Variants in SPTLC1 observed in about 807,000 individuals in gnomAD.
The protein encoded by SPTLC1 is serine palmitoyltransferase 1.
In SPTLC1, 55 loss-of-function variants were observed where a neutral mutation model predicts 68.9. That is an observed-to-expected ratio of 0.80 (90% CI 0.64 to 1.00). The LOEUF (loss-of-function observed/expected upper bound fraction) is 1.00. Among genes scored for constraint, SPTLC1 ranks in the 50% least tolerant of loss-of-function variants. SPTLC1 has a pLI of 0.00. For synonymous variants in SPTLC1, 197 were observed against 201.6 expected, an observed-to-expected ratio of 0.98 and a Z score of 0.19; for missense variants, 449 against 573.1, an observed-to-expected ratio of 0.78 and a Z score of 2.21.
chr9:92,067,910 C>CA (rs1489125744), intron 6 of SPTLC1, 56 bp downstream of exon 6: 1 of 1,558,384 alleles, frequency 6.4e-7, no homozygotes, highest in Non-Finnish European at 8.8e-7. Flanking sequence ...TTCTCTAAGA[C>CA]AGTCAGTATT....
intron 12 of SPTLC1, 169 bp from the exon 13 acceptor site, chr9:92,038,534 C>T (rs1454036031): frequency 4.4e-6 from 3 of 680,926 alleles, no homozygotes; most frequent in South Asian, 1.5e-5. Context: ...AAACGAGGCA[C>T]TCTGGGCAGT....
At chr9:92,045,975 T>C (rs368527284) in intron 12 of SPTLC1, 24 bp downstream of exon 12, 4 of 1,604,108 alleles carry the variant, frequency 2.5e-6, no homozygotes, top group Admixed American at 1.7e-5. Context: ...AACTTTATGT[T>C]GGTTGAAAAT....
chr9:92,097,380 G>A (rs1835566637), intron 3 of SPTLC1, among the ~76,000 whole-genome samples: 1 of 152,138 alleles, frequency 6.6e-6, no homozygotes, highest in South Asian at 2.1e-4. Flanking sequence ...TTTCATAGCA[G>A]TTTTATTATT....
intron 3 of SPTLC1, among the ~76,000 whole-genome samples, chr9:92,099,043 A>G (rs1043171519): frequency 1.3e-5 from 2 of 152,272 alleles, no homozygotes; most frequent in South Asian, 2.1e-4. Context: ...AAAGTATCCA[A>G]TAAAGAAAAT....
At chr9:92,077,615 ATT>A (rs1834728862) in intron 5 of SPTLC1, among the ~76,000 whole-genome samples, 1 of 151,198 alleles carries the variant, frequency 6.6e-6, no homozygotes, top group Non-Finnish European at 1.5e-5. Flanking sequence ...TATACCTTTT[ATT>A]TACAGTAGGC....
intron 3 of SPTLC1, chr9:92,104,497 C>G: frequency 7.1e-7 from 1 of 1,417,500 alleles, no homozygotes; most frequent in Non-Finnish European, 9.6e-7. Flanking sequence ...CTGGAGCCCC[C>G]CCCTCAAGGA....
chr9:92,099,062 A>G (rs935191439), intron 3 of SPTLC1, among the ~76,000 whole-genome samples: 1 of 152,262 alleles, frequency 6.6e-6, no homozygotes, highest in African/African-American at 2.4e-5. Context: ...ATATAGCCTC[A>G]TAACATTGGC....
At chr9:92,074,310 A>C (rs1239418403) in intron 5 of SPTLC1, among the ~76,000 whole-genome samples, 1 of 151,950 alleles carries the variant, frequency 6.6e-6, no homozygotes, top group South Asian at 2.1e-4. Flanking sequence ...CTCTGGTACC[A>C]AATCAGGCAA....
chr9:92,083,062 C>T (rs1228266731), intron 3 of SPTLC1, among the ~76,000 whole-genome samples: 10 of 151,534 alleles, frequency 6.6e-5, no homozygotes, highest in African/African-American at 9.7e-5. Context: ...CTGTTCATGT[C>T]CTTTGCCCAC....
At chr9:92,084,560 T>C (rs1374929521) in intron 3 of SPTLC1, among the ~76,000 whole-genome samples, 3 of 152,222 alleles carry the variant, frequency 2.0e-5, no homozygotes, top group Non-Finnish European at 4.4e-5. Flanking sequence ...TTTGCATATA[T>C]TGAACCAGCC....
chr9:92,032,589 C>A (rs1476075978), intron 14 of SPTLC1, 31 bp from the exon 15 acceptor site: 1 of 1,613,160 alleles, frequency 6.2e-7, no homozygotes, highest in Non-Finnish European at 8.5e-7. Context: ...AAAGAATTAT[C>A]TTTGTGGGCC....
chr9:92,048,538 C>G (rs1445685957), intron 9 of SPTLC1, among the ~76,000 whole-genome samples: 2 of 152,080 alleles, frequency 1.3e-5, no homozygotes, highest in Non-Finnish European at 2.9e-5. Context: ...ACAAAGAATC[C>G]CCATCACCCA....
intron 8 of SPTLC1, chr9:92,050,330 C>A (rs1361896497): frequency 2.4e-6 from 1 of 411,482 alleles, no homozygotes; most frequent in Non-Finnish European, 4.5e-6. Context: ...GGTGAACAGG[C>A]GACTGTTTCA....
intron 5 of SPTLC1, among the ~76,000 whole-genome samples, chr9:92,072,014 C>G (rs1192461385): frequency 6.6e-6 from 1 of 152,236 alleles, no homozygotes; most frequent in African/African-American, 2.4e-5. Flanking sequence ...TCCAATCCCA[C>G]CACCCTCTGC....
In SPTLC1 at chr9:92,031,345, G is replaced by A. The variant is rs892067595; in HGVS notation, c.*1120C>T. 6.6e-6 allele frequency: 1 copy of A among 152,476 alleles called. No homozygotes were observed. Among genetic ancestry groups the A allele is most frequent in the Non-Finnish European group, 1.5e-5 (1 of 67,992 alleles). The allele number at this position is 152,476 out of a possible 1,614,324, so 9.4% of individuals were successfully genotyped here. ...GAAGACCATTTGAGTAATAAGCACA[G>A]GTTATAAAAATCACAATTTTATTCT... is the stretch of plus-strand genomic sequence containing the variant. On this transcript the variant is annotated 3_prime_UTR_variant, in exon 15 of 15. Coordinates refer to ENST00000262554, the MANE Select transcript of SPTLC1 (RefSeq NM_006415.4).
At chr9:92,079,554 C>T (rs370599882) in intron 5 of SPTLC1, 68 of 1,613,362 alleles carry the variant, frequency 4.2e-5, no homozygotes, top group Non-Finnish European at 5.4e-5. Flanking sequence ...ATCAATGATC[C>T]TTCATCTTCA....
chr9:92,083,423 T>C (rs1449017377), intron 3 of SPTLC1, among the ~76,000 whole-genome samples: 2 of 151,056 alleles, frequency 1.3e-5, no homozygotes, highest in African/African-American at 2.4e-5. Context: ...TTGTATAAGG[T>C]GTAAGGAAGG....
intron 6 of SPTLC1, among the ~76,000 whole-genome samples, chr9:92,064,086 A>G (rs1226769130): frequency 2.0e-5 from 3 of 152,368 alleles, no homozygotes; most frequent in African/African-American, 7.2e-5. Flanking sequence ...GACTGTCTAC[A>G]TGGAAAATCC....
chr9:92,087,762 T>C (rs1205591476), intron 3 of SPTLC1, among the ~76,000 whole-genome samples: 1 of 152,256 alleles, frequency 6.6e-6, no homozygotes, highest in Non-Finnish European at 1.5e-5. Context: ...GGAGAACCAC[T>C]GCTCTCTTCA....
Sources: gnomAD v4.1 joint callset for allele counts (sites outside exome capture counted in the v4.1 genomes callset) on GRCh38, gnomAD v4.1.1 for gene constraint, MANE v1.5 for transcripts, NCBI Gene and HGNC (gene_info 2026-07-23, HGNC 2026-07-21) for gene names.